TLE4: variants seen among roughly 807,000 people sequenced by gnomAD.
TLE4 encodes transducin-like enhancer protein 4.
In TLE4, 8 loss-of-function variants were observed where a neutral mutation model predicts 92.8. The ratio of observed to expected loss-of-function variants is 0.09; its 90% CI spans 0.05 to 0.16. The LOEUF is 0.16. Ranked by LOEUF, TLE4 falls within the 10% of genes least tolerant of loss-of-function variation. TLE4 has a pLI of 1.00. For synonymous variants in TLE4, 371 were observed against 374.1 expected (o/e 0.99, Z 0.10); for missense variants, 675 against 997.6 (o/e 0.68, Z 4.36).
At chr9:79,586,669 T>G (rs1180171938) in intron 4 of TLE4, among the ~76,000 whole-genome samples, 4 of 152,196 alleles carry the variant, frequency 2.6e-5, no homozygotes, top group African/African-American at 9.7e-5. Flanking sequence ...AATAAATGAC[T>G]TAATCATAAG....
At chr9:79,618,125 A>G (rs1300006703) in intron 5 of TLE4, among the ~76,000 whole-genome samples, 1 of 152,210 alleles carries the variant, frequency 6.6e-6, no homozygotes, top group Non-Finnish European at 1.5e-5. Flanking sequence ...CTGAGTGACC[A>G]TTATGCCCCC....
intron 8 of TLE4, among the ~76,000 whole-genome samples, chr9:79,687,167 C>T (rs983451246): frequency 5.9e-5 from 9 of 152,300 alleles, no homozygotes; most frequent in Non-Finnish European, 1.2e-4. Context: ...TCTTCTCCCC[C>T]GAATCGTAAT....
chr9:79,722,671 TCC>T (rs1465210755), intron 18 of TLE4, 70 bp downstream of exon 18: 77 of 1,565,452 alleles, frequency 4.9e-5, no homozygotes, highest in Non-Finnish European at 6.5e-5. Context: ...TGTTTTTATT[TCC>T]AAGTCGAATC....
chr9:79,686,035 T>C (rs1291740464), intron 8 of TLE4, among the ~76,000 whole-genome samples: 1 of 152,100 alleles, frequency 6.6e-6, no homozygotes, highest in Non-Finnish European at 1.5e-5. Context: ...TTATAAATAA[T>C]AGAGATGATT....
chr9:79,652,716 C>T lies in TLE4; in HGVS notation c.514C>T (p.Leu172Phe). The change falls in exon 7 of 20, where the codon CTC becomes TTC. Residue 172 changes from leucine (L) to phenylalanine (F), a missense_variant. Around this residue, in one of 5 missense-constraint regions of TLE4, gnomAD observed 280 missense variants for 287.3 expected, o/e 0.97. Transcript: ENST00000376552. ...CGGTAGCAGTGCCGGGCTTCTGGCC[C>T]TCTCCAGTGCTCTAGGAGGTCAGTC... ...PIGSSAGLLA[L>F]SSALGGQSHL... 6.2e-7 allele frequency: 1 copy of T among 1,614,200 alleles called. No homozygotes were observed. The highest frequency in any genetic ancestry group is 8.5e-7 in the Non-Finnish European group (1 of 1,180,032).
At chr9:79,718,247 C>T (rs1283527203) in intron 14 of TLE4, among the ~76,000 whole-genome samples, 1 of 151,990 alleles carries the variant, frequency 6.6e-6, no homozygotes, top group Non-Finnish European at 1.5e-5. Context: ...TTAAAGCTTC[C>T]TGATTTTGGC....
At chr9:79,601,617 A>T (rs1034723702) in intron 4 of TLE4, 2 of 383,796 alleles carry the variant, frequency 5.2e-6, no homozygotes, top group East Asian at 1.5e-4. Flanking sequence ...AGTGCCGTGA[A>T]CTGTGCCCCC....
chr9:79,718,096 G>A (rs1487182395), intron 14 of TLE4: 1 of 456,388 alleles, frequency 2.2e-6, no homozygotes, highest in Admixed American at 2.3e-5. Flanking sequence ...CTGTCAGGAT[G>A]CCTTTTTAGG....
chr9:79,682,363 C>G (rs1588190809), intron 8 of TLE4, among the ~76,000 whole-genome samples: 1 of 152,100 alleles, frequency 6.6e-6, no homozygotes, highest in South Asian at 2.1e-4. Context: ...TTAGGAAATT[C>G]CCCAGATACT....
In TLE4 at chr9:79,652,067, G is replaced by C. The variant is rs947786949; in HGVS notation, c.391-526G>C. ...AAAAATTAAATTATTTATATTGCATGTGCAAAACCTCCAAGTATAAGAAAG... is the reference window on the plus strand; with the variant it reads ...AAAAATTAAATTATTTATATTGCATCTGCAAAACCTCCAAGTATAAGAAAG... On this transcript the variant is annotated intron_variant, in intron 6 of 19. Coordinates refer to ENST00000376552, the MANE Select transcript of TLE4 (RefSeq NM_007005.6). Among the ~76,000 whole-genome samples, 6 of 149,312 alleles carry C rather than the reference G, an allele frequency of 4.0e-5. No homozygotes were observed. In the Admixed American group the frequency reaches 4.1e-4, roughly 10 times the overall value.
intron 5 of TLE4, among the ~76,000 whole-genome samples, chr9:79,614,121 G>C (rs1197237557): frequency 6.6e-6 from 1 of 152,146 alleles, no homozygotes; most frequent in Non-Finnish European, 1.5e-5. Flanking sequence ...GCCTGATCCA[G>C]ACTAGTGTGT....
At chr9:79,577,096 A>G (rs1007937788) in intron 4 of TLE4, among the ~76,000 whole-genome samples, 1 of 152,096 alleles carries the variant, frequency 6.6e-6, no homozygotes, top group African/African-American at 2.4e-5. Context: ...ATAGGTGTGT[A>G]TGTGTTTGTC....
At chr9:79,660,229 A>G (rs1350126500) in intron 8 of TLE4, among the ~76,000 whole-genome samples, 3 of 152,220 alleles carry the variant, frequency 2.0e-5, no homozygotes, top group East Asian at 1.9e-4. Context: ...CTTAACCTCC[A>G]TGGATCTCAA....
chr9:79,608,099 A>G (rs988826808), intron 4 of TLE4, among the ~76,000 whole-genome samples: 4 of 152,038 alleles, frequency 2.6e-5, no homozygotes. Flanking sequence ...AACTTCCAAC[A>G]CTATGTTGAA....
chr9:79,654,686 T>A (rs1002171506), intron 8 of TLE4, among the ~76,000 whole-genome samples: 40 of 149,802 alleles, frequency 2.7e-4, no homozygotes, highest in Admixed American at 2.3e-3. Context: ...GGAAAAGTAT[T>A]TAAGGTCTAA....
At chr9:79,722,034 A>C in intron 17 of TLE4, 146 bp downstream of exon 17, 1 of 1,228,236 alleles carries the variant, frequency 8.1e-7, no homozygotes, top group Non-Finnish European at 1.1e-6. Context: ...GCATGGTGGC[A>C]TGTGCCTGTA....
chr9:79,594,618 G>C (rs111531976), intron 4 of TLE4, among the ~76,000 whole-genome samples: 1 of 152,112 alleles, frequency 6.6e-6, no homozygotes, highest in East Asian at 1.9e-4. Context: ...GCTGGTGGCT[G>C]GTGGGTTGTT....
Position 79,726,325 on chromosome 9 carries a change from CT to C in TLE4, c.*1183del, listed in dbSNP as rs2076372167. 6.6e-6 allele frequency: 1 copy of C among 152,448 alleles called. No individual in the cohort carries two copies. 9.4% of individuals were successfully genotyped at this position (152,448 alleles called of 1,614,324 possible). A position where few individuals can be genotyped will look rare whatever the true frequency, so the allele number is the denominator to read the frequency against. ...GTTGCTGTTAAACTATAATATGTGA[CT>C]TCTTTTTTTATTATTTTTTGTTTGA... On this transcript the variant is annotated 3_prime_UTR_variant, in exon 20 of 20. Transcript: ENST00000376552.
intron 4 of TLE4, among the ~76,000 whole-genome samples, chr9:79,586,975 T>C (rs891329695): frequency 1.3e-5 from 2 of 152,222 alleles, no homozygotes; most frequent in African/African-American, 4.8e-5. Context: ...TTTCTAGTTA[T>C]ACTCTTTTAG....
Sources: gnomAD v4.1 joint callset for allele counts (sites outside exome capture counted in the v4.1 genomes callset) on GRCh38, gnomAD v4.1.1 for gene constraint, gnomAD v4.1.1 regional missense constraint, MANE v1.5 for transcripts, NCBI Gene and HGNC (gene_info 2026-07-23, HGNC 2026-07-21) for gene names.